Variants in ADA2 observed in about 807,000 individuals in gnomAD.
ADA2 encodes adenosine deaminase CECR1.
A neutral mutation model predicts 44.2 loss-of-function variants in ADA2; 29 were observed. The observed-to-expected ratio is 0.66, with a 90% CI of 0.49 to 0.89. ADA2 has a LOEUF of 0.89. ADA2 is among the 40% of genes least tolerant of loss of function. ADA2 has a pLI of 0.00. For synonymous variants in ADA2, 215 were observed against 234.9 expected, an observed-to-expected ratio of 0.92 and a Z score of 0.77; for missense variants, 637 against 644.8, an observed-to-expected ratio of 0.99 and a Z score of 0.13.
chr22:17,213,612 G>A (rs1365042246), intron 1 of ADA2: 1 of 279,560 alleles, frequency 3.6e-6, no homozygotes, highest in African/African-American at 2.3e-5. Context: ...CAAAGACAAA[G>A]CTAAACTCCC....
intron 4 of ADA2, chr22:17,192,999 C>A: frequency 1.6e-6 from 1 of 636,066 alleles, no homozygotes; most frequent in South Asian, 1.6e-5. Flanking sequence ...CAAAATTAAC[C>A]GTAACTGGCG....
intron 4 of ADA2, among the ~76,000 whole-genome samples, chr22:17,193,804 C>A (rs988510711): frequency 2.7e-5 from 4 of 150,938 alleles, no homozygotes; most frequent in Admixed American, 2.0e-4. Context: ...ATAAAAGGAA[C>A]AGGGCTGGGC....
chr22:17,190,048 A>G lies in ADA2; in HGVS notation c.882-16T>C. On this transcript the variant is annotated splice_polypyrimidine_tract_variant and intron_variant, in intron 5 of 9. Coordinates refer to ENST00000399837, the MANE Select transcript of ADA2 (RefSeq NM_001282225.2). ...ATCTTTGGATCTGTGAGACAGACAG[A>G]GAAGCCAGGAGACAGTGCCCAGCAC... 9 of 1,587,412 alleles carry G rather than the reference A, an allele frequency of 5.7e-6. No homozygotes were observed. Among genetic ancestry groups the G allele is most frequent in the Non-Finnish European group, 6.9e-6 (8 of 1,155,808 alleles).
chr22:17,181,514 T>C lies in ADA2; in HGVS notation c.1505A>G (p.Asp502Gly), dbSNP rs750585486. ...TGTAGCCACATCTGCTATGAACTTATCCCATCTCTTCTTCCAGATTTCCAT... is the reference window on the plus strand; with the variant it reads ...TGTAGCCACATCTGCTATGAACTTACCCCATCTCTTCTTCCAGATTTCCAT... Reference protein sequence around the residue: ...TFMEIWKKRWDKFIADVATK With the variant: ...TFMEIWKKRWGKFIADVATK Residue 502 changes from aspartate (D) to glycine (G), a missense_variant, in exon 10 of 10, where the codon GAT (aspartate) becomes GGT (glycine). By Grantham distance (94) the Asp-to-Gly change is moderately conservative. Coordinates refer to ENST00000399837, the MANE Select transcript of ADA2 (RefSeq NM_001282225.2). The C allele has an allele frequency of 2.5e-6, 4 of 1,613,412 alleles. No homozygotes were observed. The highest frequency in any genetic ancestry group is 1.1e-5 in the South Asian group (1 of 91,076).
chr22:17,212,276 C>T (rs2123723396), intron 1 of ADA2, among the ~76,000 whole-genome samples: 1 of 152,186 alleles, frequency 6.6e-6, no homozygotes, highest in Admixed American at 6.6e-5. Flanking sequence ...ATCCACCAGA[C>T]TCGGACTCCT....
In ADA2 at chr22:17,203,570, A is replaced by G. The variant is rs757520466; in HGVS notation, c.746T>C (p.Leu249Pro). 1 of 1,611,894 alleles carries G rather than the reference A, an allele frequency of 6.2e-7. No homozygotes were observed. The highest frequency in any genetic ancestry group is 8.5e-7 in the Non-Finnish European group (1 of 1,179,494). Residue 249 changes from leucine to proline, a missense_variant, in exon 4 of 10, where the codon CTG becomes CCG. Coordinates refer to ENST00000399837, the MANE Select transcript of ADA2 (RefSeq NM_001282225.2). Reference protein sequence around the residue: ...NVLYMEIRARLLPVYELSGEH... With the variant: ...NVLYMEIRARPLPVYELSGEH... ...GAGGAGAGCTGGGCTCACCGGCAGC[A>G]GCCTGGCTCTGATCTCCATGTAGAG...
At chr22:17,200,149 C>G (rs1404917934) in intron 4 of ADA2, among the ~76,000 whole-genome samples, 1 of 151,982 alleles carries the variant, frequency 6.6e-6, no homozygotes, top group African/African-American at 2.4e-5. Context: ...GCGCCAAGAT[C>G]ACGCCACTTT....
At chr22:17,213,833 T>G (rs1601467279) in intron 1 of ADA2, 1 of 253,894 alleles carries the variant, frequency 3.9e-6, no homozygotes. Flanking sequence ...AAGTCAGGAG[T>G]TCAAGACCAG....
chr22:17,212,278 C>T (rs375786357), intron 1 of ADA2, among the ~76,000 whole-genome samples: 3 of 151,588 alleles, frequency 2.0e-5, no homozygotes, highest in Non-Finnish European at 2.9e-5. Flanking sequence ...CCACCAGACT[C>T]GGACTCCTAA....
At chr22:17,205,647 A>G (rs2062346222) in intron 3 of ADA2, among the ~76,000 whole-genome samples, 1 of 152,172 alleles carries the variant, frequency 6.6e-6, no homozygotes, top group African/African-American at 2.4e-5. Context: ...CTCTGTAGAC[A>G]TTTCTGTGAC....
At position 17,182,650 on chromosome 22, in the gene ADA2, G is replaced by C; in HGVS notation, c.1193C>G (p.Ser398Cys). 1.2e-6 allele frequency: 2 copies of C among 1,614,180 alleles called. No homozygotes were observed. Among genetic ancestry groups the C allele is most frequent in the Non-Finnish European group, 1.7e-6 (2 of 1,180,042 alleles). ...LSKHPAVRTY[S>C]WKKDIPIEVC... ...TTCTATGGGGATGTCCTTTTTCCAG[G>C]AGTAAGTCCTGACTGCGGGGTGTTT... is the stretch of plus-strand genomic sequence containing the variant. The change falls in exon 8 of 10, where the codon TCC becomes TGC. Residue 398 changes from serine to cysteine, a missense_variant. Transcript: ENST00000399837.
At chr22:17,209,755 C>T (rs1391303157) in intron 1 of ADA2, 32 bp from the exon 2 acceptor site, 6 of 1,146,640 alleles carry the variant, frequency 5.2e-6, no homozygotes, top group Admixed American at 2.4e-5. Context: ...TGAAAACCTA[C>T]AGATTTAAGG....
chr22:17,193,057 A>G (rs2062141029), intron 4 of ADA2: 1 of 791,502 alleles, frequency 1.3e-6, no homozygotes, highest in African/African-American at 1.7e-5. Flanking sequence ...TTCAAGGGCC[A>G]GATCTCGATG....
intron 6 of ADA2, among the ~76,000 whole-genome samples, chr22:17,189,430 TG>T (rs1330372038): frequency 6.6e-6 from 1 of 152,134 alleles, no homozygotes; most frequent in Non-Finnish European, 1.5e-5. Flanking sequence ...AAAACTGGTG[TG>T]GCCAGGCATG....
At chr22:17,215,464 A>C (rs1159523855) in intron 1 of ADA2, among the ~76,000 whole-genome samples, 1 of 151,016 alleles carries the variant, frequency 6.6e-6, no homozygotes, top group Non-Finnish European at 1.5e-5. Flanking sequence ...AAATTAGCTG[A>C]GCGTGGTGGC....
At chr22:17,211,590 G>A (rs1231972098) in intron 1 of ADA2, among the ~76,000 whole-genome samples, 4 of 151,932 alleles carry the variant, frequency 2.6e-5, no homozygotes, top group African/African-American at 4.8e-5. Context: ...CCAAAATTGC[G>A]CCACTGCAAT....
chr22:17,181,710 G>A, intron 9 of ADA2, 110 bp downstream of exon 9: 1 of 1,113,376 alleles, frequency 9.0e-7, no homozygotes, highest in Non-Finnish European at 1.4e-6. Context: ...GCCATGATGA[G>A]AAGGAACCCA....
intron 4 of ADA2, among the ~76,000 whole-genome samples, chr22:17,200,746 G>T (rs533066952): frequency 2.5e-4 from 38 of 152,000 alleles, no homozygotes; most frequent in Non-Finnish European, 3.2e-4. Flanking sequence ...GCTGGGTGTG[G>T]TGGTGCACGC....
chr22:17,206,402 AGCCAAGATCAGGCTG>A (rs2062353992), intron 3 of ADA2, among the ~76,000 whole-genome samples: 1 of 25,554 alleles, frequency 3.9e-5, no homozygotes, highest in African/African-American at 1.3e-4. Context: ...GGCTGCTGTG[AGCCAAGATCAGGCTG>A]CTGTGAGCCA....
Sources: allele counts gnomAD v4.1 joint callset (sites outside exome capture counted in the v4.1 genomes callset), GRCh38; gene constraint gnomAD v4.1.1; transcripts MANE v1.5; gene names NCBI Gene and HGNC (gene_info 2026-07-23, HGNC 2026-07-21).